Variants in NEBL observed in about 807,000 individuals in gnomAD.
The protein encoded by NEBL is nebulette.
Under a neutral mutation model 140.2 loss-of-function variants are expected in NEBL, and 122 were observed. That is an observed-to-expected ratio of 0.87 (90% CI 0.75 to 1.01). The LOEUF is 1.01. NEBL is among the 50% of genes least tolerant of loss of function. The pLI is 0.00. For missense variants in NEBL, 1,365 were observed against 1,231.3 expected, an observed-to-expected ratio of 1.11 and a Z score of -1.62; for synonymous variants, 436 against 398.9, an observed-to-expected ratio of 1.09 and a Z score of -1.11.
At chr10:20,823,547 T>C (rs1172253195) in intron 18 of NEBL, among the ~76,000 whole-genome samples, 3 of 152,124 alleles carry the variant, frequency 2.0e-5, no homozygotes, top group African/African-American at 4.8e-5. Flanking sequence ...AATAAGCAAA[T>C]GTTGCTTATA....
chr10:21,133,944 C>T (rs750038671), intron 2 of NEBL, among the ~76,000 whole-genome samples: 6 of 152,102 alleles, frequency 3.9e-5, no homozygotes, highest in Admixed American at 6.6e-5. Context: ...TTAAAAGGGC[C>T]GGGCACAGTG....
At chr10:21,166,876 T>A (rs1464463737) in intron 2 of NEBL, among the ~76,000 whole-genome samples, 2 of 152,170 alleles carry the variant, frequency 1.3e-5, no homozygotes, top group Non-Finnish European at 2.9e-5. Context: ...GTCCTTGGAG[T>A]GTTCTAGAAC....
At chr10:21,127,742 T>C (rs954087295) in intron 2 of NEBL, among the ~76,000 whole-genome samples, 1 of 150,364 alleles carries the variant, frequency 6.7e-6, no homozygotes. Context: ...ATAAAGGGAA[T>C]TAAAAGGGGG....
intron 7 of NEBL, among the ~76,000 whole-genome samples, chr10:20,866,838 G>T (rs1004911434): frequency 4.6e-5 from 7 of 151,990 alleles, no homozygotes; most frequent in Non-Finnish European, 1.0e-4. Flanking sequence ...CTGTTGATTG[G>T]CCATTTATGT....
chr10:21,080,011 A>G (rs1397048892), intron 2 of NEBL, among the ~76,000 whole-genome samples: 2 of 152,268 alleles, frequency 1.3e-5, no homozygotes, highest in Admixed American at 6.5e-5. Context: ...AACAGCATGT[A>G]TTATGATCCT....
upstream of NEBL, among the ~76,000 whole-genome samples, chr10:21,176,889 C>G (rs893616826): frequency 6.6e-6 from 1 of 152,150 alleles, no homozygotes; most frequent in Non-Finnish European, 1.5e-5. Flanking sequence ...TTTATGAAAG[C>G]CCTATTTATG....
At chr10:20,789,947 G>A (rs1835805036) in intron 26 of NEBL, among the ~76,000 whole-genome samples, 1 of 147,984 alleles carries the variant, frequency 6.8e-6, no homozygotes, top group Non-Finnish European at 1.5e-5. Context: ...ATATATATAT[G>A]TGTGTGTATA....
Position 20,831,554 on chromosome 10 carries a change from T to A in NEBL, c.1479A>T (p.Glu493Asp), listed in dbSNP as rs771849470. The A allele has an allele frequency of 3.1e-6, 5 of 1,611,092 alleles. No homozygotes were observed. Among genetic ancestry groups the A allele is most frequent in the Admixed American group, 1.7e-5 (1 of 59,824 alleles). ...TCACCTGCATCCCTTTCCCTTTAAT[T>A]TCAGTCTCCAGATCTCTTTTATAGT... is the stretch of plus-strand genomic sequence containing the variant. ...EKDYKRDLETEIKGKGMQVST... is the reference protein window; with the variant it reads ...EKDYKRDLETDIKGKGMQVST... The change falls in exon 15 of 28, where the codon GAA becomes GAT. Residue 493 changes from glutamate to aspartate, a missense_variant. By Grantham distance (45) the Glu-to-Asp change is conservative. Coordinates refer to ENST00000377122, the MANE Select transcript of NEBL (RefSeq NM_006393.3).
chr10:20,858,638 G>A (rs972193069), intron 8 of NEBL, among the ~76,000 whole-genome samples: 19 of 152,160 alleles, frequency 1.2e-4, no homozygotes, highest in Non-Finnish European at 5.9e-5. Context: ...AAAATAAAGA[G>A]AATAGCCACT....
At chr10:20,807,623 A>G (rs1161833671) in intron 26 of NEBL, among the ~76,000 whole-genome samples, 2 of 152,170 alleles carry the variant, frequency 1.3e-5, no homozygotes, top group African/African-American at 4.8e-5. Context: ...CCTCAGTCAC[A>G]TTACTTTTTA....
At chr10:21,090,977 C>T (rs1484260188) in intron 2 of NEBL, among the ~76,000 whole-genome samples, 1 of 152,110 alleles carries the variant, frequency 6.6e-6, no homozygotes, top group Non-Finnish European at 1.5e-5. Context: ...CCCAGCGTCC[C>T]ACCACCACCC....
intron 3 of NEBL, among the ~76,000 whole-genome samples, chr10:20,993,345 A>C (rs1313134892): frequency 6.6e-6 from 1 of 152,216 alleles, no homozygotes; most frequent in Admixed American, 6.5e-5. Context: ...AAGGATCTAA[A>C]TGTAAAAGGA....
At chr10:21,116,103 CTCTT>C (rs1291219215) in intron 2 of NEBL, among the ~76,000 whole-genome samples, 1 of 151,864 alleles carries the variant, frequency 6.6e-6, no homozygotes, top group Non-Finnish European at 1.5e-5. Context: ...CTTTATCATA[CTCTT>C]TTTTTTTCCT....
chr10:21,073,831 T>C (rs1372529772), intron 2 of NEBL, among the ~76,000 whole-genome samples: 1 of 151,866 alleles, frequency 6.6e-6, no homozygotes, highest in Non-Finnish European at 1.5e-5. Flanking sequence ...TCCCAGCACT[T>C]TGGGAGGCCA....
At chr10:21,039,710 T>C (rs1390257148) in intron 2 of NEBL, among the ~76,000 whole-genome samples, 2 of 152,196 alleles carry the variant, frequency 1.3e-5, no homozygotes, top group Non-Finnish European at 2.9e-5. Flanking sequence ...CCCAGATGCA[T>C]ATAAAATGCA....
At chr10:21,179,466 A>C (rs1841353456), upstream of NEBL, among the ~76,000 whole-genome samples, 1 of 149,396 alleles carries the variant, frequency 6.7e-6, no homozygotes, top group Admixed American at 6.7e-5. Flanking sequence ...TACCCCTACC[A>C]ATCAATGACC....
At position 21,173,888 on chromosome 10, in the gene NEBL, T is replaced by C; in HGVS notation, c.-55A>G. On this transcript the variant is annotated 5_prime_UTR_variant, in exon 1 of 7. Transcript: ENST00000417816. The surrounding 1 kb of genome is among the most constrained non-coding windows in gnomAD (Gnocchi z 5.7). Reference sequence around the variant, plus strand: ...GCGGCTGCTGGCTCCCAGGAGCCGCTGTGACATCCCCCGGCGAGCCCCGCA... The same window carrying C: ...GCGGCTGCTGGCTCCCAGGAGCCGCCGTGACATCCCCCGGCGAGCCCCGCA... The C allele has an allele frequency of 1.3e-6, 2 of 1,596,612 alleles. No homozygotes were observed. Among genetic ancestry groups the C allele is most frequent in the Non-Finnish European group, 1.7e-6 (2 of 1,175,618 alleles).
chr10:21,104,063 C>G (rs1473423394), intron 2 of NEBL, among the ~76,000 whole-genome samples: 2 of 152,098 alleles, frequency 1.3e-5, no homozygotes, highest in African/African-American at 4.8e-5. Context: ...TTCTCCTCAC[C>G]CAGCTGAATT....
chr10:20,983,469 C>A (rs1837133575), intron 3 of NEBL, among the ~76,000 whole-genome samples: 1 of 152,112 alleles, frequency 6.6e-6, no homozygotes, highest in Admixed American at 6.5e-5. Flanking sequence ...CTTTGGCTAG[C>A]CAAAACAGTG....
Sources: allele counts gnomAD v4.1 joint callset (sites outside exome capture counted in the v4.1 genomes callset), GRCh38; gene constraint gnomAD v4.1.1; non-coding constraint Gnocchi (gnomAD v3.1); transcripts MANE v1.5; gene names NCBI Gene and HGNC (gene_info 2026-07-23, HGNC 2026-07-21).